MGMT: variants seen among roughly 807,000 people sequenced by gnomAD.
The protein encoded by MGMT is O-6-methylguanine-DNA methyltransferase.
A neutral mutation model predicts 15.9 loss-of-function variants in MGMT; 14 were observed. The ratio of observed to expected loss-of-function variants is 0.88; its 90% CI spans 0.58 to 1.37. MGMT has a LOEUF of 1.37. Ranked by LOEUF, MGMT falls within the 40% of genes most tolerant of loss-of-function variation. MGMT has a pLI of 0.00. For synonymous variants in MGMT, 130 were observed against 118.2 expected (o/e 1.10, Z -0.65); for missense variants, 282 against 268.1 (o/e 1.05, Z -0.36).
intron 2 of MGMT, among the ~76,000 whole-genome samples, chr10:129,620,287 T>C (rs762338035): frequency 1.3e-5 from 2 of 152,250 alleles, no homozygotes; most frequent in Non-Finnish European, 2.9e-5. Flanking sequence ...CACTGTTCCA[T>C]GTGCATTTGC....
At chr10:129,595,750 T>C (rs1451481147) in intron 2 of MGMT, among the ~76,000 whole-genome samples, 1 of 152,108 alleles carries the variant, frequency 6.6e-6, no homozygotes, top group Admixed American at 6.5e-5. Flanking sequence ...GCTTTCAAGG[T>C]GACTTAAGAT....
At chr10:129,479,411 C>T (rs1845331141) in intron 1 of MGMT, among the ~76,000 whole-genome samples, 1 of 151,628 alleles carries the variant, frequency 6.6e-6, no homozygotes, top group Admixed American at 6.6e-5. Flanking sequence ...TCATCTTGAC[C>T]AAAAATCTAA....
At chr10:129,744,835 T>C (rs536480017) in intron 3 of MGMT, among the ~76,000 whole-genome samples, 1 of 152,176 alleles carries the variant, frequency 6.6e-6, no homozygotes, top group East Asian at 1.9e-4. Flanking sequence ...TAGGCCCTGG[T>C]TGTGTTTACA....
chr10:129,708,903 C>T (rs57900892), intron 3 of MGMT, among the ~76,000 whole-genome samples: 6,195 of 152,254 alleles, frequency 0.041, 354 homozygotes, highest in African/African-American at 0.13. Flanking sequence ...CTAATTGCTG[C>T]GGTGCTTCTC....
chr10:129,730,839 AATT>A (rs1340979879), intron 3 of MGMT, among the ~76,000 whole-genome samples: 8 of 152,286 alleles, frequency 5.3e-5, no homozygotes, highest in Admixed American at 5.2e-4. Context: ...GTTAATGTAT[AATT>A]ATTCACATTC....
At chr10:129,648,903 C>T (rs868100146) in intron 2 of MGMT, among the ~76,000 whole-genome samples, 5 of 152,250 alleles carry the variant, frequency 3.3e-5, no homozygotes, top group South Asian at 4.2e-4. Context: ...TGGACACCAC[C>T]GCTTAAGCCC....
chr10:129,564,233 TCCTCTTCCCCCTTCCCCCTCC>T (rs1846316594), intron 2 of MGMT: 12 of 63,224 alleles, frequency 1.9e-4, no homozygotes, highest in Non-Finnish European at 1.8e-4. Context: ...CCCTTCCCCC[TCCTCTTCCCCCTTCCCCCTCC>T]TCTTCCCCTT....
At chr10:129,678,837 C>T (rs547246642) in intron 2 of MGMT, among the ~76,000 whole-genome samples, 4 of 152,074 alleles carry the variant, frequency 2.6e-5, no homozygotes, top group East Asian at 1.9e-4. Context: ...TTTGGGAGGC[C>T]GAGGTGGGTA....
In MGMT at chr10:129,533,828, G is replaced by A. The variant is rs1044752459; in HGVS notation, c.-12-2413G>A. Among the ~76,000 whole-genome samples, 3 of 152,224 alleles carry A rather than the reference G, an allele frequency of 2.0e-5. No homozygotes were observed. Among genetic ancestry groups the A allele is most frequent in the African/African-American group, 7.2e-5 (3 of 41,462 alleles). On this transcript the variant is annotated intron_variant, in intron 1 of 4. Transcript: ENST00000651593. This position sits in a 1 kb window ranked among gnomAD's most constrained non-coding sequence, Gnocchi z 4.5. ...TGTCTGCAGGCGCAGGGCGGAGGCT[G>A]TGGGCCAAGATTGTGGCTCTGAGAA...
intron 2 of MGMT, among the ~76,000 whole-genome samples, chr10:129,642,068 C>A (rs980133254): frequency 3.9e-5 from 6 of 152,148 alleles, no homozygotes; most frequent in African/African-American, 1.4e-4. Flanking sequence ...ACACAGAGAA[C>A]CCTTGTTGGA....
intron 2 of MGMT, among the ~76,000 whole-genome samples, chr10:129,673,383 C>A (rs1847747577): frequency 6.6e-6 from 1 of 152,218 alleles, no homozygotes; most frequent in Non-Finnish European, 1.5e-5. Flanking sequence ...CTGAGACATG[C>A]AGCATTTCTC....
intron 3 of MGMT, among the ~76,000 whole-genome samples, chr10:129,734,595 A>G (rs1848538944): frequency 6.6e-6 from 1 of 151,960 alleles, no homozygotes; most frequent in South Asian, 2.1e-4. Flanking sequence ...TTCCAACACT[A>G]TGTTGAATAG....
chr10:129,720,595 A>G (rs1254286158), intron 3 of MGMT, among the ~76,000 whole-genome samples: 2 of 152,234 alleles, frequency 1.3e-5, no homozygotes, highest in African/African-American at 2.4e-5. Flanking sequence ...TGGAGGGGCA[A>G]AGAGCACACA....
intron 3 of MGMT, among the ~76,000 whole-genome samples, chr10:129,741,989 C>T (rs1390340383): frequency 1.3e-5 from 2 of 152,170 alleles, no homozygotes; most frequent in East Asian, 1.9e-4. Flanking sequence ...AAGTGGTTGT[C>T]AGGGCTCACT....
chr10:129,581,677 C>T (rs747576543), intron 2 of MGMT, among the ~76,000 whole-genome samples: 8 of 152,276 alleles, frequency 5.3e-5, no homozygotes, highest in Admixed American at 3.3e-4. Flanking sequence ...CAGAAAACCA[C>T]TGAGCCCAGA....
chr10:129,645,118 C>CTTT (rs10606297), intron 2 of MGMT, among the ~76,000 whole-genome samples: 3 of 121,950 alleles, frequency 2.5e-5, no homozygotes, highest in Non-Finnish European at 5.0e-5. Context: ...CCTGAAAGCC[C>CTTT]TTTTTTTTTT....
chr10:129,692,938 G>A (rs1204399474), intron 2 of MGMT, among the ~76,000 whole-genome samples: 1 of 152,250 alleles, frequency 6.6e-6, no homozygotes, highest in Non-Finnish European at 1.5e-5. Context: ...CAGCACCACG[G>A]TAAGTTCTGT....
chr10:129,707,724 G>A (rs970852285), intron 2 of MGMT, among the ~76,000 whole-genome samples, 171 bp from the exon 3 acceptor site: 5 of 152,128 alleles, frequency 3.3e-5, no homozygotes, highest in Admixed American at 1.3e-4. Flanking sequence ...GCGGGGCCTC[G>A]GTGCGTCCTT....
At chr10:129,652,199 C>T (rs1160397575) in intron 2 of MGMT, among the ~76,000 whole-genome samples, 3 of 152,224 alleles carry the variant, frequency 2.0e-5, no homozygotes, top group South Asian at 2.1e-4. Flanking sequence ...TGTGCTTCCC[C>T]GCCACTCGGG....
Sources: allele counts gnomAD v4.1 joint callset (sites outside exome capture counted in the v4.1 genomes callset), GRCh38; gene constraint gnomAD v4.1.1; non-coding constraint Gnocchi (gnomAD v3.1); transcripts MANE v1.5; gene names NCBI Gene and HGNC (gene_info 2026-07-23, HGNC 2026-07-21).